Variants in ACTN4 observed in about 807,000 individuals in gnomAD.
ACTN4 encodes actinin alpha 4, also known as alpha-actinin-4.
ACTN4 carries 18 observed loss-of-function variants against 114.2 expected under a neutral mutation model. The ratio of observed to expected loss-of-function variants is 0.16; its 90% CI spans 0.11 to 0.23. The LOEUF is 0.23. Ranked by LOEUF, ACTN4 falls within the 10% of genes least tolerant of loss-of-function variation. ACTN4 has a pLI of 1.00. For synonymous variants in ACTN4, 515 were observed against 506.3 expected, an observed-to-expected ratio of 1.02 and a Z score of -0.23; for missense variants, 722 against 1,262.9, an observed-to-expected ratio of 0.57 and a Z score of 6.49.
intron 1 of ACTN4, among the ~76,000 whole-genome samples, chr19:38,669,280 C>T (rs772437808): frequency 7.2e-5 from 11 of 152,188 alleles, no homozygotes; most frequent in Non-Finnish European, 1.0e-4. Flanking sequence ...GTCACCGCGC[C>T]CAGCCAAAAT....
chr19:38,653,033 C>T (rs997225313), intron 1 of ACTN4, among the ~76,000 whole-genome samples: 2 of 149,846 alleles, frequency 1.3e-5, no homozygotes, highest in African/African-American at 2.4e-5. Context: ...TTGCAGTGAG[C>T]CAAGATCGCG....
intron 1 of ACTN4, among the ~76,000 whole-genome samples, chr19:38,671,170 T>A (rs1044827545): frequency 2.0e-5 from 3 of 152,140 alleles, no homozygotes; most frequent in Non-Finnish European, 4.4e-5. Context: ...AAGGGTTTGC[T>A]TTAGCTGTGG....
chr19:38,729,515 A>T lies in ACTN4; in HGVS notation c.*83A>T. 9.9e-7 allele frequency: 1 copy of T among 1,006,048 alleles called. No individual in the cohort carries two copies. Among genetic ancestry groups the T allele is most frequent in the Non-Finnish European group, 1.4e-6 (1 of 733,634 alleles). 62.3% of individuals were successfully genotyped at this position (1,006,048 alleles called of 1,614,324 possible). A position where few individuals can be genotyped will look rare whatever the true frequency, so the allele number is the denominator to read the frequency against. On this transcript the variant is annotated 3_prime_UTR_variant, in exon 21 of 21. Coordinates refer to ENST00000252699, the MANE Select transcript of ACTN4 (RefSeq NM_004924.6). ...CCACAGTCCCATTCCTCCACTCTGT[A>T]TCTATGCAAAGCACTCTCTGCAGTC...
chr19:38,717,009 G>A lies in ACTN4; in HGVS notation c.913-77G>A. ...GCCCTCAAAGATCCAGATCCCATGTGCCCATAAGCTGGGGGGCAGCCCGTC... is the reference window on the plus strand; with the variant it reads ...GCCCTCAAAGATCCAGATCCCATGTACCCATAAGCTGGGGGGCAGCCCGTC... On this transcript the variant is annotated intron_variant, in intron 9 of 20. Transcript: ENST00000252699. The surrounding 1 kb of genome is among the most constrained non-coding windows in gnomAD (Gnocchi z 4.0). 6.9e-7 allele frequency: 1 copy of A among 1,459,196 alleles called. No individual in the cohort carries two copies. The allele number at this position is 1,459,196 out of a possible 1,614,324, so 90.4% of individuals were successfully genotyped here.
At chr19:38,677,206 A>G (rs956845828) in intron 1 of ACTN4, among the ~76,000 whole-genome samples, 1 of 151,524 alleles carries the variant, frequency 6.6e-6, no homozygotes, top group African/African-American at 2.4e-5. Context: ...CATCACCTCT[A>G]CTTCTCCTTT....
chr19:38,721,803 G>A (rs772309910), intron 12 of ACTN4, 115 bp downstream of exon 12: 1 of 1,460,082 alleles, frequency 6.8e-7, no homozygotes, highest in African/African-American at 1.4e-5. Flanking sequence ...AGGGTCCCCA[G>A]TGCCCCAACT....
At chr19:38,653,570 C>T (rs1374087387) in intron 1 of ACTN4, among the ~76,000 whole-genome samples, 2 of 152,170 alleles carry the variant, frequency 1.3e-5, no homozygotes, top group African/African-American at 4.8e-5. Flanking sequence ...TATCTCTTCC[C>T]TTGCCTTAGT....
chr19:38,651,896 T>C (rs1976573664), intron 1 of ACTN4, among the ~76,000 whole-genome samples: 1 of 152,022 alleles, frequency 6.6e-6, no homozygotes, highest in Non-Finnish European at 1.5e-5. Context: ...CGTGCCTGGC[T>C]AATTTTTGTG....
chr19:38,720,187 C>T (rs1454614168), intron 11 of ACTN4, among the ~76,000 whole-genome samples: 2 of 152,248 alleles, frequency 1.3e-5, no homozygotes, highest in Non-Finnish European at 2.9e-5. Context: ...TCACCATCCC[C>T]CACAGCCCGC....
intron 9 of ACTN4, among the ~76,000 whole-genome samples, chr19:38,714,790 G>A (rs1323403969): frequency 6.6e-6 from 1 of 152,212 alleles, no homozygotes. Context: ...CTGGGCTCCC[G>A]AGCTTGGGTT....
chr19:38,729,337 G>GCCCGCATGGCGCCATA lies in ACTN4; in HGVS notation c.2644_2659dup (p.Gln887ProfsTer9). 6.2e-7 allele frequency: 1 copy of GCCCGCATGGCGCCATA among 1,612,874 alleles called. No individual in the cohort carries two copies. ...CCCCGACCAGGCCGAGTACTGCATC[G>GCCCGCATGGCGCCATA]CCCGCATGGCGCCATACCAGGGCCC... On this transcript the variant is annotated frameshift_variant, in exon 21 of 21. Transcript: ENST00000252699. LOFTEE classifies it high-confidence loss of function.
chr19:38,697,208 A>T (rs1186882374), intron 1 of ACTN4, among the ~76,000 whole-genome samples: 1 of 152,146 alleles, frequency 6.6e-6, no homozygotes, highest in Admixed American at 6.5e-5. Context: ...GGTGGCCAGA[A>T]CCCAAGCGGC....
intron 1 of ACTN4, among the ~76,000 whole-genome samples, chr19:38,684,354 GGTGTA>G (rs1967673374): frequency 6.6e-6 from 1 of 152,126 alleles, no homozygotes; most frequent in Admixed American, 6.5e-5. Context: ...CTCTTCCCAT[GGTGTA>G]GTGAGAGCAC....
intron 1 of ACTN4, among the ~76,000 whole-genome samples, chr19:38,673,795 T>A (rs1367670729): frequency 8.1e-6 from 1 of 124,042 alleles, no homozygotes; most frequent in East Asian, 2.1e-4. Flanking sequence ...TTTTTTTTTT[T>A]TTTTTTTTTG....
intron 11 of ACTN4, among the ~76,000 whole-genome samples, chr19:38,719,550 G>A (rs1036185615): frequency 6.6e-5 from 10 of 152,254 alleles, no homozygotes; most frequent in African/African-American, 1.9e-4. Context: ...TGGCCAGGCC[G>A]GGTGCCGCAC....
At position 38,729,791 on chromosome 19, in the gene ACTN4, C is replaced by T. The variant is rs745745930; in HGVS notation, c.*359C>T. 6 of 455,902 alleles carry T rather than the reference C, an allele frequency of 1.3e-5. No homozygotes were observed. The highest frequency in any genetic ancestry group is 1.0e-4 in the Admixed American group (4 of 39,974). 28.2% of individuals were successfully genotyped at this position (455,902 alleles called of 1,614,324 possible). On this transcript the variant is annotated 3_prime_UTR_variant, in exon 21 of 21. Coordinates refer to ENST00000252699, the MANE Select transcript of ACTN4 (RefSeq NM_004924.6). ...CAGGTCTCTTCCTTTGCTCTGAGGT[C>T]CCTTCAAGGCCTCCCCAATCCAGGC... is the stretch of plus-strand genomic sequence containing the variant.
intron 1 of ACTN4, among the ~76,000 whole-genome samples, chr19:38,677,773 G>T (rs917683630): frequency 6.6e-6 from 1 of 152,036 alleles, no homozygotes; most frequent in Non-Finnish European, 1.5e-5. Flanking sequence ...ACGGAGTCTC[G>T]CTGTGTTGCC....
intron 12 of ACTN4, among the ~76,000 whole-genome samples, chr19:38,722,894 G>C (rs1969094977): frequency 1.3e-5 from 2 of 152,222 alleles, no homozygotes; most frequent in Non-Finnish European, 2.9e-5. Flanking sequence ...TAGCCCTGAA[G>C]GAACGGAAGG....
At chr19:38,659,403 G>A (rs993521023) in intron 1 of ACTN4, among the ~76,000 whole-genome samples, 7 of 152,110 alleles carry the variant, frequency 4.6e-5, no homozygotes, top group Admixed American at 3.3e-4. Flanking sequence ...CCATAGGATA[G>A]AATTGAATCC....
Sources: gnomAD v4.1 joint callset for allele counts (sites outside exome capture counted in the v4.1 genomes callset) on GRCh38, gnomAD v4.1.1 for gene constraint, Gnocchi (gnomAD v3.1) non-coding constraint, MANE v1.5 for transcripts, NCBI Gene and HGNC (gene_info 2026-07-23, HGNC 2026-07-21) for gene names.